The following ISCA1 variants were observed in gnomAD, a reference collection of about 807,000 sequenced individuals.
ISCA1 encodes the protein iron-sulfur cluster assembly 1 homolog, mitochondrial.
ISCA1 carries 9 observed loss-of-function variants against 14.7 expected under a neutral mutation model. That is an observed-to-expected ratio of 0.61 (90% CI 0.37 to 1.07). ISCA1 has a LOEUF of 1.07. ISCA1 is among the 50% of genes least tolerant of loss of function. The probability of loss-of-function intolerance (pLI) is 0.01; values close to 1 mark genes in which losing one functional copy is unlikely to be tolerated. For synonymous variants in ISCA1, 38 were observed against 54.3 expected (o/e 0.70, Z 1.32); for missense variants, 102 against 150.1 (o/e 0.68, Z 1.67).
At chr9:86,273,847 C>A (rs1428134429) in intron 2 of ISCA1, among the ~76,000 whole-genome samples, 7 of 152,138 alleles carry the variant, frequency 4.6e-5, no homozygotes, top group South Asian at 2.1e-4. Context: ...TGGACAGAGG[C>A]CACAGATGCT....
At chr9:86,282,228 A>AGGC in intron 1 of ISCA1, 150 bp downstream of exon 1, 1 of 778,992 alleles carries the variant, frequency 1.3e-6, no homozygotes. Flanking sequence ...GAGGCGAAGG[A>AGGC]GGCGGCGAGG....
chr9:86,274,204 T>C lies in ISCA1; in HGVS notation c.120A>G (p.Lys40=), dbSNP rs760461211. 1 of 1,585,300 alleles carries C rather than the reference T, an allele frequency of 6.3e-7. No individual in the cohort carries two copies. The highest frequency in any genetic ancestry group is 2.2e-5 in the East Asian group (1 of 44,640). ...SAVNKIKQLL[K]DKPEHVGVKV... ...TTTTACTTACATGCTCAGGCTTATC[T>C]TTAAGAAGTTGTTTTATCTTGTTTA... Residue 40 remains lysine, a synonymous_variant, in exon 2 of 4, where the codon AAA becomes AAG. Coordinates refer to ENST00000375991, the MANE Select transcript of ISCA1 (RefSeq NM_030940.4).
In ISCA1 at chr9:86,265,918, A is replaced by G; in HGVS notation, c.*125T>C. The G allele has an allele frequency of 1.4e-6, 2 of 1,414,336 alleles. No individual in the cohort carries two copies. The highest frequency in any genetic ancestry group is 2.3e-5 in the South Asian group (2 of 86,204). The allele number at this position is 1,414,336 out of a possible 1,614,324, so 87.6% of individuals were successfully genotyped here. A position where few individuals can be genotyped will look rare whatever the true frequency, so the allele number is the denominator to read the frequency against. ...TATCATTTCTTCTGGAATCCAACAC[A>G]CTGGATTCATTTTCAAGATGTATCA... On this transcript the variant is annotated 3_prime_UTR_variant, in exon 4 of 4. Transcript: ENST00000375991.
At chr9:86,275,524 T>A (rs2131225108) in intron 1 of ISCA1, among the ~76,000 whole-genome samples, 1 of 152,298 alleles carries the variant, frequency 6.6e-6, no homozygotes, top group South Asian at 2.1e-4. Context: ...CAGACCCAGT[T>A]TAGAAGGGCA....
At chr9:86,271,191 C>T (rs139027211) in intron 3 of ISCA1, among the ~76,000 whole-genome samples, 1 of 152,192 alleles carries the variant, frequency 6.6e-6, no homozygotes, top group Non-Finnish European at 1.5e-5. Flanking sequence ...GCACAGTATT[C>T]AGCACAGTCA....
At chr9:86,270,067 G>A (rs1165444150) in intron 3 of ISCA1, among the ~76,000 whole-genome samples, 2 of 151,222 alleles carry the variant, frequency 1.3e-5, no homozygotes, top group African/African-American at 4.9e-5. Context: ...AAAAGCAATG[G>A]CAACAGAAGC....
At position 86,274,213 on chromosome 9, in the gene ISCA1, T is replaced by C. The variant is rs998777850; in HGVS notation, c.111A>G (p.Gln37=). The change falls in exon 2 of 4, where the codon CAA becomes CAG. Residue 37 remains glutamine, a synonymous_variant. Coordinates refer to ENST00000375991, the MANE Select transcript of ISCA1 (RefSeq NM_030940.4). ...CATGCTCAGGCTTATCTTTAAGAAG[T>C]TGTTTTATCTTGTTTACTGCTGAAG... ...LTPSAVNKIK[Q]LLKDKPEHVG... 1.0e-5 allele frequency: 16 copies of C among 1,590,166 alleles called. No individual in the cohort carries two copies. Among genetic ancestry groups the C allele is most frequent in the East Asian group, 9.0e-5 (4 of 44,654 alleles).
chr9:86,282,238 G>T, intron 1 of ISCA1, 140 bp downstream of exon 1: 1 of 877,492 alleles, frequency 1.1e-6, no homozygotes, highest in Non-Finnish European at 1.7e-6. Flanking sequence ...AGGCGGCGAG[G>T]CTGTGCGGCG....
Position 86,272,053 on chromosome 9 carries a change from T to G in ISCA1, c.195A>C (p.Glu65Asp). Reference protein sequence around the residue: ...RGCNGLSYTLEYTKTKGDSDE... With the variant: ...RGCNGLSYTLDYTKTKGDSDE... Reference sequence around the variant, plus strand: ...CAGAATCTCCTTTTGTCTTTGTATATTCTAGAGTATAAGAAAGGCCATTAC... The same window carrying G: ...CAGAATCTCCTTTTGTCTTTGTATAGTCTAGAGTATAAGAAAGGCCATTAC... The change falls in exon 3 of 4, where the codon GAA becomes GAC. Residue 65 changes from glutamate (E) to aspartate (D), a missense_variant. Coordinates refer to ENST00000375991, the MANE Select transcript of ISCA1 (RefSeq NM_030940.4). 1 of 1,607,634 alleles carries G rather than the reference T, an allele frequency of 6.2e-7. No homozygotes were observed. The highest frequency in any genetic ancestry group is 8.5e-7 in the Non-Finnish European group (1 of 1,174,688).
In ISCA1 at chr9:86,282,348, C is replaced by T. The variant is rs775141111; in HGVS notation, c.81+30G>A. The stretch of plus-strand genomic sequence containing the variant: ...CACGGGGCGGACACGAGCAATGTCA[C>T]GGGCCCCGCCGCGCGCCGCGAGCAC... On this transcript the variant is annotated intron_variant, in intron 1 of 3. Transcript: ENST00000375991. 4 of 1,535,158 alleles carry T rather than the reference C, an allele frequency of 2.6e-6. No individual in the cohort carries two copies. The East Asian group carries it at 7.4e-5, about 28-fold the overall frequency.
chr9:86,277,600 G>C (rs535804212), intron 1 of ISCA1, among the ~76,000 whole-genome samples: 11 of 152,290 alleles, frequency 7.2e-5, no homozygotes, highest in East Asian at 3.9e-4. Context: ...ATTCATGTGA[G>C]AAACAGCATA....
chr9:86,269,624 G>T lies in ISCA1; in HGVS notation c.241+2383C>A, dbSNP rs549965812. 1.7e-4 allele frequency among the ~76,000 whole-genome samples: 26 copies of T among 151,528 alleles called. No individual in the cohort carries two copies. The Middle Eastern group carries it at 0.01, about 59-fold the overall frequency. On this transcript the variant is annotated intron_variant, in intron 3 of 3. Coordinates refer to ENST00000375991, the MANE Select transcript of ISCA1 (RefSeq NM_030940.4). The stretch of plus-strand genomic sequence containing the variant: ...TCATATGGAACCAAAAAAAAAACCC[G>T]CATCGCCAAGTCAATCCTAAGCCAA...
Position 86,265,642 on chromosome 9 carries a change from A to G in ISCA1, c.*401T>C, listed in dbSNP as rs1439053404. ...TGGGTGGAAAAAACAATGCACCACC[A>G]TATTACTACCAGCAGTCACGATGTC... On this transcript the variant is annotated 3_prime_UTR_variant, in exon 4 of 4. Transcript: ENST00000375991. The G allele has an allele frequency of 4.3e-6, 1 of 233,278 alleles. No individual in the cohort carries two copies. The highest frequency in any genetic ancestry group is 8.6e-6 in the Non-Finnish European group (1 of 116,470). The allele number at this position is 233,278 out of a possible 1,614,324, so 14.5% of individuals were successfully genotyped here.
In ISCA1 at chr9:86,266,210, T is replaced by C; in HGVS notation, c.242-19A>G. On this transcript the variant is annotated intron_variant, in intron 3 of 3. Transcript: ENST00000375991. Reference sequence around the variant, plus strand: ...CTGACTCCTTGGAGAAAAGAAAACATGTGTCATGGAAAGCCTGCAGCCTTA... The same window carrying C: ...CTGACTCCTTGGAGAAAAGAAAACACGTGTCATGGAAAGCCTGCAGCCTTA... 6.3e-7 allele frequency: 1 copy of C among 1,591,966 alleles called. No homozygotes were observed. Among genetic ancestry groups the C allele is most frequent in the Non-Finnish European group, 8.5e-7 (1 of 1,170,964 alleles).
At chr9:86,270,438 A>G (rs1825354700) in intron 3 of ISCA1, among the ~76,000 whole-genome samples, 1 of 150,260 alleles carries the variant, frequency 6.7e-6, no homozygotes, top group South Asian at 2.1e-4. Flanking sequence ...AAAAGTCAGG[A>G]AACAACAGGT....
At chr9:86,280,831 G>T (rs1825503515) in intron 1 of ISCA1, among the ~76,000 whole-genome samples, 1 of 152,030 alleles carries the variant, frequency 6.6e-6, no homozygotes, top group African/African-American at 2.4e-5. Context: ...GGGAGCCTGA[G>T]GTGGGAGGAT....
At chr9:86,282,325 C>A in intron 1 of ISCA1, 53 bp downstream of exon 1, 1 of 1,512,048 alleles carries the variant, frequency 6.6e-7, no homozygotes. Flanking sequence ...TCCCCTTGCA[C>A]GGGGCGGACA....
At chr9:86,280,865 C>G (rs1282606326) in intron 1 of ISCA1, among the ~76,000 whole-genome samples, 2 of 151,962 alleles carry the variant, frequency 1.3e-5, no homozygotes, top group Non-Finnish European at 2.9e-5. Flanking sequence ...GAGGTTGACG[C>G]TGCAGTGTGC....
At chr9:86,271,200 C>G (rs1163233209) in intron 3 of ISCA1, among the ~76,000 whole-genome samples, 1 of 152,108 alleles carries the variant, frequency 6.6e-6, no homozygotes, top group South Asian at 2.1e-4. Context: ...TCAGCACAGT[C>G]ACGTGCAGTA....
Sources: gnomAD v4.1 joint callset for allele counts (sites outside exome capture counted in the v4.1 genomes callset) on GRCh38, gnomAD v4.1.1 for gene constraint, MANE v1.5 for transcripts, NCBI Gene and HGNC (gene_info 2026-07-23, HGNC 2026-07-21) for gene names.